Variants in PSD3 observed in about 807,000 individuals in gnomAD.
The protein encoded by PSD3 is pleckstrin and Sec7 domain containing 3.
A neutral mutation model predicts 105.5 loss-of-function variants in PSD3; 49 were observed. The observed-to-expected ratio is 0.46, with a 90% confidence interval of 0.37 to 0.59. The LOEUF (loss-of-function observed/expected upper bound fraction) is 0.59. Among genes scored for constraint, PSD3 ranks in the 20% least tolerant of loss-of-function variants. PSD3 has a pLI of 0.00. For synonymous variants in PSD3, 557 were observed against 457.8 expected, an observed-to-expected ratio of 1.22 and a Z score of -2.77; for missense variants, 1,561 against 1,263.8, an observed-to-expected ratio of 1.24 and a Z score of -3.57.
chr8:18,946,246 T>C (rs929481137), intron 1 of PSD3, among the ~76,000 whole-genome samples: 6 of 152,146 alleles, frequency 3.9e-5, no homozygotes, highest in Admixed American at 1.3e-4. Context: ...AAGAGGAAGA[T>C]TCAAGTCCTA....
chr8:18,559,564 G>C (rs1351257534), intron 14 of PSD3, among the ~76,000 whole-genome samples: 1 of 152,108 alleles, frequency 6.6e-6, no homozygotes, highest in Non-Finnish European at 1.5e-5. Flanking sequence ...AGAATCCAAT[G>C]ATAGAATCCA....
At chr8:18,934,813 G>T (rs552715947) in intron 2 of PSD3, among the ~76,000 whole-genome samples, 14 of 152,262 alleles carry the variant, frequency 9.2e-5, no homozygotes, top group Middle Eastern at 3.4e-3. Context: ...ACATGCAATA[G>T]CCTTTTCCAA....
chr8:18,950,570 CTTTCTG>C (rs776269179), intron 1 of PSD3, among the ~76,000 whole-genome samples: 1 of 152,156 alleles, frequency 6.6e-6, no homozygotes, highest in Admixed American at 6.6e-5. Flanking sequence ...CACTATTCCG[CTTTCTG>C]TTTCTATCAG....
intron 2 of PSD3, among the ~76,000 whole-genome samples, chr8:18,923,459 A>G (rs984387605): frequency 3.4e-4 from 52 of 152,348 alleles, no homozygotes; most frequent in Non-Finnish European, 1.3e-4. Context: ...CATGTGCCAC[A>G]TAATGACATC....
intron 9 of PSD3, among the ~76,000 whole-genome samples, chr8:18,673,938 T>TA (rs1487108521): frequency 6.6e-6 from 1 of 152,036 alleles, no homozygotes; most frequent in Non-Finnish European, 1.5e-5. Flanking sequence ...GCCCAGCAGT[T>TA]AAAGACCAAC....
chr8:18,553,537 G>C (rs948134366), intron 15 of PSD3, among the ~76,000 whole-genome samples: 2 of 152,176 alleles, frequency 1.3e-5, no homozygotes, highest in African/African-American at 4.8e-5. Context: ...CAGTGTTCCA[G>C]AAACTGGGAA....
In PSD3 at chr8:18,532,589, T is replaced by TAATTAAATTA. The variant is rs1799677897; in HGVS notation, c.*3153_*3154insTAATTTAATT. 6.6e-6 allele frequency: 1 copy of TAATTAAATTA among 152,254 alleles called. No individual in the cohort carries two copies. 9.4% of individuals were successfully genotyped at this position (152,254 alleles called of 1,614,324 possible). On this transcript the variant is annotated 3_prime_UTR_variant, in exon 16 of 16. Transcript: ENST00000327040. ...TCTCCCATCATGGTTTTGCTGAGAT[T>TAATTAAATTA]AATTAAAATTCACAAAAGTATTGCT...
chr8:18,996,258 TG>T (rs1826074987), intron 1 of PSD3, among the ~76,000 whole-genome samples: 1 of 151,894 alleles, frequency 6.6e-6, no homozygotes. Context: ...TAATGGACGG[TG>T]GGGAATCTGT....
rs996302527 is a variant in PSD3 at position 18,653,767 on chromosome 8, T to TA, written c.2216+1874dup. ...ATAAATAAAATCTGCTGTAACAAAT[T>TA]AAAAAAAAAAACCTAGATTTACAAA... On this transcript the variant is annotated intron_variant, in intron 10 of 15. Coordinates refer to ENST00000327040, the MANE Select transcript of PSD3 (RefSeq NM_015310.4). 3.1e-3 allele frequency among the ~76,000 whole-genome samples: 449 copies of TA among 146,766 alleles called. 2 individuals are homozygous for TA. Among genetic ancestry groups the TA allele is most frequent in the African/African-American group, 3.3e-3 (131 of 40,194 alleles).
At chr8:19,005,786 G>A (rs770404783) in intron 1 of PSD3, among the ~76,000 whole-genome samples, 1 of 151,914 alleles carries the variant, frequency 6.6e-6, no homozygotes, top group African/African-American at 2.4e-5. Flanking sequence ...ACTGTGCCTG[G>A]CCTGGGCTGT....
rs146699213 is a variant in PSD3 at position 18,579,028 on chromosome 8, A to G, written c.2482-3743T>C. Among the ~76,000 whole-genome samples the G allele has an allele frequency of 1.6e-4, 24 of 152,062 alleles. No homozygotes were observed. The East Asian group carries it at 4.6e-3, about 29-fold the overall frequency. On this transcript the variant is annotated intron_variant, in intron 12 of 15. Coordinates refer to ENST00000327040, the MANE Select transcript of PSD3 (RefSeq NM_015310.4). ...TACAATTTTACCATTTTTTCTTAAA[A>G]AGGCAAAATGCAAACCTTAAAATAT...
intron 1 of PSD3, among the ~76,000 whole-genome samples, chr8:19,063,630 G>A (rs369285620): frequency 1.3e-5 from 2 of 152,122 alleles, no homozygotes; most frequent in African/African-American, 2.4e-5. Context: ...GATCAATAGC[G>A]AGTATAGTAA....
chr8:18,775,447 C>T (rs1807964186), intron 8 of PSD3, among the ~76,000 whole-genome samples: 2 of 152,180 alleles, frequency 1.3e-5, no homozygotes, highest in South Asian at 2.1e-4. Flanking sequence ...CTTTTTCATA[C>T]TGTCTTTTTC....
At chr8:18,636,169 A>C (rs1807241646) in intron 10 of PSD3, among the ~76,000 whole-genome samples, 1 of 152,116 alleles carries the variant, frequency 6.6e-6, no homozygotes, top group Admixed American at 6.6e-5. Context: ...GATGATCCTG[A>C]CCCTTGTGTG....
intron 11 of PSD3, among the ~76,000 whole-genome samples, chr8:18,622,067 T>C (rs1806155235): frequency 6.6e-6 from 1 of 152,168 alleles, no homozygotes; most frequent in Middle Eastern, 3.2e-3. Context: ...CTTGTCAAGG[T>C]GCTCCACACC....
chr8:18,984,683 GT>G (rs1825410058), intron 1 of PSD3, among the ~76,000 whole-genome samples: 1 of 152,084 alleles, frequency 6.6e-6, no homozygotes, highest in South Asian at 2.1e-4. Context: ...AAATGTTGAG[GT>G]TTTTAAATTT....
intron 4 of PSD3, among the ~76,000 whole-genome samples, chr8:18,861,517 T>C (rs1233586791): frequency 6.6e-6 from 1 of 152,060 alleles, no homozygotes; most frequent in Non-Finnish European, 1.5e-5. Context: ...ATTTGACCTC[T>C]TTATATCTGA....
chr8:18,670,007 A>G (rs1045130062), intron 9 of PSD3, among the ~76,000 whole-genome samples: 1 of 152,240 alleles, frequency 6.6e-6, no homozygotes, highest in African/African-American at 2.4e-5. Flanking sequence ...GGGTGGAAGC[A>G]GGTAATAAAT....
At chr8:19,019,802 A>G (rs747117988) in intron 1 of PSD3, among the ~76,000 whole-genome samples, 2 of 152,180 alleles carry the variant, frequency 1.3e-5, no homozygotes, top group East Asian at 3.9e-4. Context: ...ACTCGACTGA[A>G]TGCTGAGTGT....
Sources: gnomAD v4.1 joint callset for allele counts (sites outside exome capture counted in the v4.1 genomes callset) on GRCh38, gnomAD v4.1.1 for gene constraint, MANE v1.5 for transcripts, NCBI Gene and HGNC (gene_info 2026-07-23, HGNC 2026-07-21) for gene names.